CCDC14: variants seen among roughly 807,000 people sequenced by gnomAD.
CCDC14 encodes coiled-coil domain-containing protein 14.
A neutral mutation model predicts 81.4 loss-of-function variants in CCDC14; 71 were observed. That is an observed-to-expected ratio of 0.87 (90% confidence interval 0.72 to 1.06). CCDC14 has a LOEUF of 1.06. CCDC14 is among the 50% of genes least tolerant of loss of function. The pLI is 0.00. For synonymous variants in CCDC14, 332 were observed against 364.8 expected (o/e 0.91, Z 1.03); for missense variants, 1,046 against 1,047.3 (o/e 1.00, Z 0.02).
At chr3:123,903,987 G>A (rs768196220) in intron 5 of CCDC14, among the ~76,000 whole-genome samples, 5 of 152,046 alleles carry the variant, frequency 3.3e-5, no homozygotes, top group Non-Finnish European at 7.4e-5. Flanking sequence ...CTGCTACTTC[G>A]GCACCTCCAG....
the CCDC14 span, among the ~76,000 whole-genome samples, chr3:123,885,724 A>G: frequency 6.6e-6 from 1 of 152,160 alleles, no homozygotes. Context: ...TTCAAGAGGT[A>G]CATGATCATG....
At chr3:123,934,735 T>C (rs748387296) in intron 9 of CCDC14, among the ~76,000 whole-genome samples, 2 of 152,152 alleles carry the variant, frequency 1.3e-5, no homozygotes, top group African/African-American at 4.8e-5. Context: ...CTATTATCTT[T>C]CCAGAATTAC....
intron 11 of CCDC14, 24 bp downstream of exon 11, chr3:123,931,284 C>A (rs771444621): frequency 5.7e-6 from 9 of 1,575,184 alleles, no homozygotes; most frequent in Non-Finnish European, 7.8e-6. Flanking sequence ...AAGATGTGAC[C>A]ATAACTACTG....
chr3:123,936,995 C>T (rs2036092107), intron 9 of CCDC14, among the ~76,000 whole-genome samples: 1 of 152,090 alleles, frequency 6.6e-6, no homozygotes, highest in Non-Finnish European at 1.5e-5. Flanking sequence ...AGCCTGGCTT[C>T]ACTCAACATA....
chr3:123,919,452 G>A (rs935585282), intron 12 of CCDC14, among the ~76,000 whole-genome samples: 1 of 152,126 alleles, frequency 6.6e-6, no homozygotes, highest in African/African-American at 2.4e-5. Context: ...CCGCAACCCT[G>A]CCCAATTAGA....
downstream of CCDC14, among the ~76,000 whole-genome samples, chr3:123,912,828 G>A (rs1404718171): frequency 6.6e-6 from 1 of 152,082 alleles, no homozygotes; most frequent in Non-Finnish European, 1.5e-5. Flanking sequence ...TTCCACAACT[G>A]ACCCAAATCT....
intron 9 of CCDC14, among the ~76,000 whole-genome samples, chr3:123,944,010 A>G (rs983438928): frequency 2.0e-5 from 3 of 152,176 alleles, no homozygotes; most frequent in Non-Finnish European, 4.4e-5. Context: ...AACACAGGCA[A>G]AATAACCTGG....
intron 10 of CCDC14, among the ~76,000 whole-genome samples, chr3:123,932,506 G>A (rs1280154974): frequency 1.3e-5 from 2 of 151,828 alleles, no homozygotes; most frequent in Non-Finnish European, 2.9e-5. Flanking sequence ...GTCATGTATT[G>A]TTTCTCCATT....
chr3:123,888,481 C>A, the CCDC14 span, among the ~76,000 whole-genome samples: 1 of 152,156 alleles, frequency 6.6e-6, no homozygotes, highest in African/African-American at 2.4e-5. Context: ...TTTTATCTGG[C>A]TCTTCTTTTT....
intron 12 of CCDC14, among the ~76,000 whole-genome samples, chr3:123,924,872 C>A (rs1308739665): frequency 6.6e-6 from 1 of 151,422 alleles, no homozygotes; most frequent in African/African-American, 2.4e-5. Flanking sequence ...ATAAATAGAA[C>A]TACCATATGA....
At position 123,928,975 on chromosome 3, in the gene CCDC14, A is replaced by G. The variant is rs2035547058; in HGVS notation, c.1778+2127T>C. Among the ~76,000 whole-genome samples the G allele has an allele frequency of 2.0e-5, 3 of 152,368 alleles. No individual in the cohort carries two copies. In the South Asian group the frequency reaches 6.2e-4, roughly 32 times the overall value. On this transcript the variant is annotated intron_variant, in intron 12 of 12. Transcript: ENST00000409697. ...ATGACATAGGAAAGACAGAACTTTG[A>G]AAAAAATCAAAGTACTTTATAAATA...
In CCDC14 at chr3:123,953,939, T is replaced by C. The variant is rs1198071807; in HGVS notation, c.352+1904A>G. ...GTTTTCCTATACCCTATTCATACCT[T>C]TATGAGTCCCTTTGTAAATAAACCC... On this transcript the variant is annotated intron_variant, in intron 5 of 12. Transcript: ENST00000409697. The C allele has an allele frequency of 1.3e-5, 2 of 152,148 alleles. 1 individual carries two copies. The highest frequency in any genetic ancestry group is 1.3e-4 in the Admixed American group (2 of 15,270). 9.4% of individuals were successfully genotyped at this position (152,148 alleles called of 1,614,324 possible).
At position 123,915,660 on chromosome 3, in the gene CCDC14, A is replaced by T. The variant is rs543324055; in HGVS notation, c.1837T>A (p.Cys613Ser). 21 of 1,614,034 alleles carry T rather than the reference A, an allele frequency of 1.3e-5. 1 individual carries two copies. In the South Asian group the frequency reaches 2.2e-4, roughly 17 times the overall value. The stretch of plus-strand genomic sequence containing the variant: ...TTGGTAAGGTTATTCCCAGGCTTGC[A>T]GCGAGCACTGTCCACACTAAGATCG... ...LSDLSVDSAR[C>S]KPGNNLTKSL... The change falls in exon 13 of 13, where the codon TGC (cysteine) becomes AGC (serine). Residue 613 changes from cysteine (C) to serine (S), a missense_variant. Coordinates refer to ENST00000409697, the MANE Select transcript of CCDC14 (RefSeq NM_001366335.1).
chr3:123,942,475 T>C (rs2036399544), intron 9 of CCDC14, among the ~76,000 whole-genome samples: 1 of 152,092 alleles, frequency 6.6e-6, no homozygotes, highest in African/African-American at 2.4e-5. Flanking sequence ...TATATCGTAG[T>C]AGCTACAGGA....
At chr3:123,912,537 G>C (rs2034471718), downstream of CCDC14, among the ~76,000 whole-genome samples, 1 of 152,082 alleles carries the variant, frequency 6.6e-6, no homozygotes, top group Non-Finnish European at 1.5e-5. Context: ...TGGTCACCCA[G>C]CTGACTGAAA....
At chr3:123,909,618 C>A (rs1029063890), downstream of CCDC14, among the ~76,000 whole-genome samples, 11 of 152,194 alleles carry the variant, frequency 7.2e-5, no homozygotes, top group African/African-American at 2.7e-4. Context: ...TTATAGTACA[C>A]ACACATACAT....
At chr3:123,934,260 G>C (rs1424268615) in intron 9 of CCDC14, among the ~76,000 whole-genome samples, 1 of 90,426 alleles carries the variant, frequency 1.1e-5, no homozygotes, top group African/African-American at 5.6e-5. Context: ...GAAAGAGTGA[G>C]ACTCTGCCTC....
rs191711662 is a variant in CCDC14 at position 123,931,044 on chromosome 3, T to C, written c.1778+58A>G. 8,918 of 1,423,352 alleles carry C rather than the reference T, an allele frequency of 6.3e-3. 40 individuals carry two copies. The highest frequency in any genetic ancestry group is 7.7e-3 in the Non-Finnish European group (8,255 of 1,067,410). 88.2% of individuals were successfully genotyped at this position (1,423,352 alleles called of 1,614,324 possible). ...AACAGGTCTAACATTATTTTGAAGT[T>C]TATAAAAACATCTAAAAATAAAAAA... is the stretch of plus-strand genomic sequence containing the variant. On this transcript the variant is annotated intron_variant, in intron 12 of 12. Transcript: ENST00000409697.
intron 9 of CCDC14, among the ~76,000 whole-genome samples, chr3:123,943,774 A>T (rs1487208584): frequency 6.6e-6 from 1 of 152,152 alleles, no homozygotes; most frequent in African/African-American, 2.4e-5. Flanking sequence ...CCAGATAAAC[A>T]CATGGAGCTT....
Sources: allele counts gnomAD v4.1 joint callset (sites outside exome capture counted in the v4.1 genomes callset), GRCh38; gene constraint gnomAD v4.1.1; transcripts MANE v1.5; gene names NCBI Gene and HGNC (gene_info 2026-07-23, HGNC 2026-07-21).